The following LEPR variants were observed in gnomAD, a reference collection of about 807,000 sequenced individuals.
LEPR encodes leptin receptor.
Under a neutral mutation model 114.7 loss-of-function variants are expected in LEPR, and 56 were observed. The ratio of observed to expected loss-of-function variants is 0.49; its 90% confidence interval spans 0.39 to 0.61. The LOEUF (loss-of-function observed/expected upper bound fraction) is 0.61. Ranked by LOEUF, LEPR falls within the 20% of genes least tolerant of loss-of-function variation. The probability of loss-of-function intolerance (pLI) is 0.00; values close to 1 mark genes in which losing one functional copy is unlikely to be tolerated. For synonymous variants in LEPR, 443 were observed against 461.4 expected (o/e 0.96, Z 0.51); for missense variants, 1,202 against 1,352.9 (o/e 0.89, Z 1.75).
chr1:65,507,867 C>T lies in LEPR; in HGVS notation c.-20-57679C>T, dbSNP rs558599822. Among the ~76,000 whole-genome samples the T allele has an allele frequency of 7.2e-5, 11 of 152,154 alleles. No individual in the cohort carries two copies. The East Asian group carries it at 7.7e-4, about 11-fold the overall frequency. ...CACATACTTGCTAATACTTATCTTTCGAAATAGCTGATCTAACAGGCATGA... is the reference window on the plus strand; with the variant it reads ...CACATACTTGCTAATACTTATCTTTTGAAATAGCTGATCTAACAGGCATGA... On this transcript the variant is annotated intron_variant, in intron 2 of 19. Transcript: ENST00000349533.
At chr1:65,548,861 C>T (rs1298137657) in intron 2 of LEPR, among the ~76,000 whole-genome samples, 3 of 152,140 alleles carry the variant, frequency 2.0e-5, no homozygotes, top group Non-Finnish European at 4.4e-5. Flanking sequence ...ATGATGTTAG[C>T]TGGTTATTTT....
In LEPR at chr1:65,594,995, A is replaced by G. The variant is rs147657829; in HGVS notation, c.704-1453A>G. ...AAAATGTATGACAGATACCAACTCTATAAAGCAAAAAGTTGATTTGGGAGT... is the reference window on the plus strand; with the variant it reads ...AAAATGTATGACAGATACCAACTCTGTAAAGCAAAAAGTTGATTTGGGAGT... On this transcript the variant is annotated intron_variant, in intron 6 of 19. Transcript: ENST00000349533. 5.3e-4 allele frequency among the ~76,000 whole-genome samples: 80 copies of G among 152,234 alleles called. 2 individuals are homozygous for G. In the South Asian group the frequency reaches 8.7e-3, roughly 17 times the overall value.
intron 15 of LEPR, among the ~76,000 whole-genome samples, chr1:65,617,452 T>C (rs1318219419): frequency 6.6e-6 from 1 of 152,136 alleles, no homozygotes; most frequent in Non-Finnish European, 1.5e-5. Flanking sequence ...TGGCACAGGA[T>C]AGAAAATGAA....
At chr1:65,478,829 T>C (rs1204215146) in intron 2 of LEPR, among the ~76,000 whole-genome samples, 1 of 152,098 alleles carries the variant, frequency 6.6e-6, no homozygotes, top group Non-Finnish European at 1.5e-5. Context: ...GGGCAACAAG[T>C]AGGACCAATG....
intron 2 of LEPR, among the ~76,000 whole-genome samples, chr1:65,458,227 T>C (rs2100361925): frequency 6.6e-6 from 1 of 151,974 alleles, no homozygotes; most frequent in Admixed American, 6.5e-5. Flanking sequence ...TTTAGCTCTT[T>C]CACCTCCTAG....
intron 2 of LEPR, among the ~76,000 whole-genome samples, chr1:65,558,523 G>T (rs535993908): frequency 1.4e-4 from 2 of 14,214 alleles, no homozygotes; most frequent in South Asian, 4.1e-3. Flanking sequence ...TTTTGAATCA[G>T]AAGTTTTTTT....
chr1:65,630,988 C>G (rs879359620), intron 19 of LEPR, among the ~76,000 whole-genome samples: 6 of 152,084 alleles, frequency 3.9e-5, no homozygotes, highest in African/African-American at 7.2e-5. Flanking sequence ...TTATCTCAGA[C>G]TTTCCTCCTA....
At chr1:65,449,040 C>A (rs1390457279) in intron 2 of LEPR, among the ~76,000 whole-genome samples, 1 of 152,108 alleles carries the variant, frequency 6.6e-6, no homozygotes, top group African/African-American at 2.4e-5. Flanking sequence ...ATTACAGGTG[C>A]CCACCACCAA....
intron 2 of LEPR, among the ~76,000 whole-genome samples, chr1:65,544,700 C>G (rs200034969): frequency 1.5e-5 from 1 of 67,202 alleles, no homozygotes; most frequent in Non-Finnish European, 3.2e-5. Context: ...GACAATCATG[C>G]GGTTTTTTTT....
At chr1:65,421,303 CG>C in intron 1 of LEPR, 1 of 1,507,848 alleles carries the variant, frequency 6.6e-7, no homozygotes, top group Non-Finnish European at 8.8e-7. Flanking sequence ...CTGCTTTCTT[CG>C]GTGTTTTCTC....
intron 2 of LEPR, among the ~76,000 whole-genome samples, chr1:65,492,856 T>A (rs997039178): frequency 1.3e-5 from 2 of 151,918 alleles, no homozygotes; most frequent in Non-Finnish European, 2.9e-5. Context: ...TTATTTATTT[T>A]AAATTTAATT....
At chr1:65,605,477 G>T (rs1400408158) in intron 11 of LEPR, among the ~76,000 whole-genome samples, 1 of 152,144 alleles carries the variant, frequency 6.6e-6, no homozygotes, top group East Asian at 1.9e-4. Flanking sequence ...ACTATTAGAT[G>T]AAATACATGG....
intron 1 of LEPR, among the ~76,000 whole-genome samples, chr1:65,422,053 C>T (rs1646261561): frequency 6.6e-6 from 1 of 152,080 alleles, no homozygotes; most frequent in Non-Finnish European, 1.5e-5. Flanking sequence ...GGCTCAGATG[C>T]GGTGGGAGAA....
At chr1:65,435,237 G>A (rs942530417) in intron 2 of LEPR, 1 of 985,272 alleles carries the variant, frequency 1.0e-6, no homozygotes, top group Non-Finnish European at 1.2e-6. Flanking sequence ...TCCTAAGGAA[G>A]TCCTTACCTC....
chr1:65,545,502 A>C (rs1651624936), intron 2 of LEPR, among the ~76,000 whole-genome samples: 1 of 151,124 alleles, frequency 6.6e-6, no homozygotes, highest in Non-Finnish European at 1.5e-5. Context: ...TGCCATTCTA[A>C]CTGGTGTGAG....
At chr1:65,583,592 C>T (rs1332859846) in intron 5 of LEPR, among the ~76,000 whole-genome samples, 1 of 152,082 alleles carries the variant, frequency 6.6e-6, no homozygotes, top group Non-Finnish European at 1.5e-5. Context: ...CTAAAAGATT[C>T]AAATTAGTGC....
chr1:65,467,913 G>A (rs1647035094), intron 2 of LEPR, among the ~76,000 whole-genome samples: 1 of 152,206 alleles, frequency 6.6e-6, no homozygotes, highest in Admixed American at 6.5e-5. Flanking sequence ...TATTTGGTCA[G>A]GAGTGTACTT....
rs142812754 is a variant in LEPR, at chr1:65,482,821, A to G, written c.-21+57443A>G. On this transcript the variant is annotated intron_variant, in intron 2 of 19. Transcript: ENST00000349533. ...GCCAATATGGTGAAACCCTGTCTCT[A>G]CTAAAGATACAAAAAAATTAGCCAG... Among the ~76,000 whole-genome samples the G allele has an allele frequency of 2.7e-3, 414 of 152,174 alleles. 3 individuals carry two copies. The highest frequency in any genetic ancestry group is 9.2e-3 in the African/African-American group (383 of 41,510).
At chr1:65,506,130 C>T (rs928710137) in intron 2 of LEPR, among the ~76,000 whole-genome samples, 1 of 152,132 alleles carries the variant, frequency 6.6e-6, no homozygotes, top group African/African-American at 2.4e-5. Flanking sequence ...GAGAATTCAA[C>T]TTTGAAACAT....
Sources: allele counts gnomAD v4.1 joint callset (sites outside exome capture counted in the v4.1 genomes callset), GRCh38; gene constraint gnomAD v4.1.1; transcripts MANE v1.5; gene names NCBI Gene and HGNC (gene_info 2026-07-23, HGNC 2026-07-21).